APOLD1: variants seen among roughly 807,000 people sequenced by gnomAD.
The protein encoded by APOLD1 is apolipoprotein L domain containing 1.
Under a neutral mutation model 15.3 loss-of-function variants are expected in APOLD1, and 22 were observed. That is an observed-to-expected ratio of 1.44 (90% CI 1.03 to 2.05). The LOEUF is 2.05. APOLD1 is among the 30% of genes most tolerant of loss of function. The pLI is 0.00. For missense variants in APOLD1, 394 were observed against 353.5 expected, an observed-to-expected ratio of 1.11 and a Z score of -0.92; for synonymous variants, 190 against 167.4, an observed-to-expected ratio of 1.13 and a Z score of -1.04.
intron 1 of APOLD1, among the ~76,000 whole-genome samples, chr12:12,750,446 G>A (rs1946803974): frequency 6.7e-6 from 1 of 149,436 alleles, no homozygotes; most frequent in African/African-American, 2.5e-5. Context: ...ACCCACACAT[G>A]TAAGATAATT....
intron 1 of APOLD1, chr12:12,771,767 C>A: frequency 7.2e-6 from 2 of 277,554 alleles, no homozygotes; most frequent in African/African-American, 2.2e-5. Context: ...TTATATATTG[C>A]ATATATATAG....
intron 1 of APOLD1, among the ~76,000 whole-genome samples, chr12:12,734,275 G>A (rs1303721774): frequency 6.6e-6 from 1 of 152,112 alleles, no homozygotes; most frequent in African/African-American, 2.4e-5. Flanking sequence ...TTGGCACTTG[G>A]CACACTCAGG....
intron 1 of APOLD1, among the ~76,000 whole-genome samples, chr12:12,764,070 C>T (rs982699169): frequency 6.6e-6 from 1 of 152,124 alleles, no homozygotes; most frequent in Non-Finnish European, 1.5e-5. Flanking sequence ...TCAAACAGTT[C>T]TCATGCCTCA....
chr12:12,730,026 TTGTGTGTGTGTG>T (rs749843349), intron 1 of APOLD1, among the ~76,000 whole-genome samples: 1,687 of 117,720 alleles, frequency 0.014, 19 homozygotes, highest in African/African-American at 0.026. Flanking sequence ...CCAGCTAACT[TTGTGTGTGTGTG>T]TGTGTGTGTG....
rs1486492537 is a variant in APOLD1 at position 12,734,005 on chromosome 12, G to A, written c.96+7909G>A. On this transcript the variant is annotated intron_variant, in intron 1 of 1. Transcript: ENST00000326765. Reference sequence around the variant, plus strand: ...CTCATTCTTTTCGGACATTAGCAGAGCACAAGGCATTTCTTTAATAATTTT... The same window carrying A: ...CTCATTCTTTTCGGACATTAGCAGAACACAAGGCATTTCTTTAATAATTTT... Among the ~76,000 whole-genome samples, 3 of 152,136 alleles carry A rather than the reference G, an allele frequency of 2.0e-5. No homozygotes were observed. The East Asian group carries it at 5.8e-4, about 29-fold the overall frequency.
At chr12:12,741,246 G>A (rs780678335) in intron 1 of APOLD1, among the ~76,000 whole-genome samples, 1 of 152,074 alleles carries the variant, frequency 6.6e-6, no homozygotes, top group Non-Finnish European at 1.5e-5. Flanking sequence ...TTGCTCTGTC[G>A]CCCTGGCTGG....
At chr12:12,769,231 A>AG (rs1225790766) in intron 1 of APOLD1, among the ~76,000 whole-genome samples, 2 of 149,612 alleles carry the variant, frequency 1.3e-5, no homozygotes, top group African/African-American at 4.9e-5. Flanking sequence ...TCCAGCTAAA[A>AG]AAAAAAAAAA....
chr12:12,739,532 A>G (rs1178932549), intron 1 of APOLD1, among the ~76,000 whole-genome samples: 1 of 152,234 alleles, frequency 6.6e-6, no homozygotes, highest in African/African-American at 2.4e-5. Flanking sequence ...TTTAAAAAAT[A>G]TATCTCAGAG....
In APOLD1 at chr12:12,791,343, A is replaced by G. The variant is rs1947185936; in HGVS notation, c.*3691A>G. Reference sequence around the variant, plus strand: ...TTTTAGTGTGAATTGAGACACTGAGATAAAGACATCGTGCAGAGATAAATG... The same window carrying G: ...TTTTAGTGTGAATTGAGACACTGAGGTAAAGACATCGTGCAGAGATAAATG... On this transcript the variant is annotated 3_prime_UTR_variant, in exon 2 of 2. Transcript: ENST00000356591. 1 of 152,236 alleles carries G rather than the reference A, an allele frequency of 6.6e-6. No homozygotes were observed. Among genetic ancestry groups the G allele is most frequent in the African/African-American group, 2.4e-5 (1 of 41,470 alleles). The allele number at this position is 152,236 out of a possible 1,614,324, so 9.4% of individuals were successfully genotyped here. A position where few individuals can be genotyped will look rare whatever the true frequency, so the allele number is the denominator to read the frequency against.
chr12:12,763,647 G>A (rs1479798132), intron 1 of APOLD1, among the ~76,000 whole-genome samples: 3 of 152,136 alleles, frequency 2.0e-5, no homozygotes, highest in African/African-American at 7.2e-5. Flanking sequence ...TAGGGAGGAT[G>A]TACATAGGTT....
chr12:12,749,502 G>C (rs551286214), intron 1 of APOLD1, among the ~76,000 whole-genome samples: 2 of 152,294 alleles, frequency 1.3e-5, no homozygotes, highest in African/African-American at 4.8e-5. Flanking sequence ...ACTGATTGCA[G>C]GCAGAGTCTT....
At position 12,787,221 on chromosome 12, in the gene APOLD1, G is replaced by T. The variant is rs1565439344; in HGVS notation, c.316G>T (p.Asp106Tyr). The T allele has an allele frequency of 1.3e-6, 2 of 1,563,566 alleles. No individual in the cohort carries two copies. The highest frequency in any genetic ancestry group is 1.7e-6 in the Non-Finnish European group (2 of 1,161,682). The stretch of plus-strand genomic sequence containing the variant: ...CGGAGGGGCCGTCACCATCACGTCC[G>T]ATCTCTCGCTGATCTTCTGCAACTC... Reference protein sequence around the residue: ...TAGGAVTITSDLSLIFCNSRE... With the variant: ...TAGGAVTITSYLSLIFCNSRE... Residue 106 changes from aspartate to tyrosine, a missense_variant, in exon 2 of 2, where the codon GAT (aspartate) becomes TAT (tyrosine). Asp to Tyr is a radical substitution (Grantham distance 160, BLOSUM62 -3). Transcript: ENST00000356591. This position sits in a 1 kb window ranked among gnomAD's most constrained non-coding sequence, Gnocchi z 4.9.
intron 1 of APOLD1, among the ~76,000 whole-genome samples, chr12:12,730,715 T>A (rs11055033): frequency 0.074 from 299 of 4,062 alleles, 1 homozygote; most frequent in Admixed American, 0.11. Flanking sequence ...AAGAAAAAAG[T>A]TTTTTTTTTT....
At chr12:12,771,835 A>C (rs1419578176) in intron 1 of APOLD1, 1 of 194,562 alleles carries the variant, frequency 5.1e-6, no homozygotes, top group African/African-American at 2.4e-5. Context: ...AAGATGTGAG[A>C]GAGAAATTAG....
chr12:12,774,546 C>CAAAAAAAAAAAAAAAAAAAAAAA (rs57343706), intron 1 of APOLD1, among the ~76,000 whole-genome samples: 11 of 42,292 alleles, frequency 2.6e-4, no homozygotes, highest in Admixed American at 4.3e-4. Flanking sequence ...ACTCTAACTC[C>CAAAAAAAAAAAAAAAAAAAAAAA]AAAAAAAAAA....
At chr12:12,726,139 G>A in intron 1 of APOLD1, 1 of 494,026 alleles carries the variant, frequency 2.0e-6, no homozygotes, top group South Asian at 2.6e-5. Flanking sequence ...GCCCGGAAAA[G>A]AACACCTCTT....
chr12:12,769,429 TG>T (rs1946968485), intron 1 of APOLD1, among the ~76,000 whole-genome samples: 1 of 151,986 alleles, frequency 6.6e-6, no homozygotes, highest in South Asian at 2.1e-4. Context: ...AGTGCTGGAG[TG>T]GGAAAACCTG....
chr12:12,752,474 C>T (rs1946819350), intron 1 of APOLD1, among the ~76,000 whole-genome samples: 1 of 152,154 alleles, frequency 6.6e-6, no homozygotes, highest in African/African-American at 2.4e-5. Context: ...GATATTTTGA[C>T]CTCCACAGAC....
intron 1 of APOLD1, among the ~76,000 whole-genome samples, chr12:12,743,290 C>T (rs905757121): frequency 3.9e-5 from 6 of 151,966 alleles, no homozygotes; most frequent in Non-Finnish European, 7.4e-5. Flanking sequence ...TAGCTACTAA[C>T]GAGGCTGAGA....
Sources: allele counts gnomAD v4.1 joint callset (sites outside exome capture counted in the v4.1 genomes callset), GRCh38; gene constraint gnomAD v4.1.1; non-coding constraint Gnocchi (gnomAD v3.1); transcripts MANE v1.5; gene names NCBI Gene and HGNC (gene_info 2026-07-23, HGNC 2026-07-21).